The following ASAP1 variants were observed in gnomAD, a reference collection of about 807,000 sequenced individuals.
ASAP1 encodes ArfGAP with SH3 domain, ankyrin repeat and PH domain 1, also known as arf-GAP with SH3 domain, ANK repeat and PH domain-containing protein 1.
A neutral mutation model predicts 145.2 loss-of-function variants in ASAP1; 43 were observed. The observed-to-expected ratio is 0.30, with a 90% CI of 0.23 to 0.38. The LOEUF (loss-of-function observed/expected upper bound fraction) is 0.38. ASAP1 is among the 10% of genes least tolerant of loss of function. The probability of loss-of-function intolerance (pLI) is 1.00; values close to 1 mark genes in which losing one functional copy is unlikely to be tolerated. For missense variants in ASAP1, 1,018 were observed against 1,355.3 expected, an observed-to-expected ratio of 0.75 and a Z score of 3.91; for synonymous variants, 546 against 515.5, an observed-to-expected ratio of 1.06 and a Z score of -0.80.
intron 11 of ASAP1, among the ~76,000 whole-genome samples, chr8:130,161,308 G>A (rs2097668780): frequency 6.6e-6 from 1 of 152,156 alleles, no homozygotes; most frequent in African/African-American, 2.4e-5. Context: ...GCTATTTACT[G>A]ACTTGTGTAC....
chr8:130,070,822 GGAGAGAGGGA>G (rs1173253680), intron 27 of ASAP1, among the ~76,000 whole-genome samples: 20 of 58,590 alleles, frequency 3.4e-4, no homozygotes, highest in African/African-American at 7.5e-4. Flanking sequence ...GGGGAGAGAG[GGAGAGAGGGA>G]GAGAGAGGGA....
chr8:130,167,423 T>C (rs746946017), intron 11 of ASAP1, 113 bp downstream of exon 11: 7 of 871,754 alleles, frequency 8.0e-6, no homozygotes, highest in African/African-American at 3.3e-5. Context: ...GGTAGGTACA[T>C]ACTTGCATAT....
intron 3 of ASAP1, among the ~76,000 whole-genome samples, chr8:130,357,172 A>T (rs1188343343): frequency 6.6e-6 from 1 of 152,080 alleles, no homozygotes; most frequent in Non-Finnish European, 1.5e-5. Context: ...TGAAAATCCT[A>T]AAGAAAATCG....
At position 130,183,883 on chromosome 8, in the gene ASAP1, C is replaced by T. The variant is rs143804206; in HGVS notation, c.531-3003G>A. ...AGAGTCAAACGCCATCCCAGGATGG[C>T]AGCTGTACTGCTGATCTAAAGAGCT... On this transcript the variant is annotated intron_variant, in intron 7 of 29. Coordinates refer to ENST00000518721, the MANE Select transcript of ASAP1 (RefSeq NM_018482.4). Among the ~76,000 whole-genome samples the T allele has an allele frequency of 4.9e-3, 747 of 152,218 alleles. 4 individuals are homozygous for T. The highest frequency in any genetic ancestry group is 7.4e-3 in the Non-Finnish European group (501 of 67,994).
chr8:130,201,583 AT>A (rs1815872376), intron 5 of ASAP1, among the ~76,000 whole-genome samples: 1 of 152,222 alleles, frequency 6.6e-6, no homozygotes, highest in South Asian at 2.1e-4. Context: ...GCAGCATCTG[AT>A]TTCATTTGAC....
At chr8:130,246,697 AGT>A (rs1818875711) in intron 3 of ASAP1, among the ~76,000 whole-genome samples, 1 of 152,184 alleles carries the variant, frequency 6.6e-6, no homozygotes, top group Non-Finnish European at 1.5e-5. Flanking sequence ...TCTTTATACC[AGT>A]GTGAAAACAA....
At chr8:130,341,107 G>C (rs539951440) in intron 3 of ASAP1, among the ~76,000 whole-genome samples, 2 of 152,190 alleles carry the variant, frequency 1.3e-5, no homozygotes, top group East Asian at 3.9e-4. Flanking sequence ...ACTAAGTCTA[G>C]TGACAAGATG....
At chr8:130,431,603 C>T (rs536415296) in intron 1 of ASAP1, among the ~76,000 whole-genome samples, 2 of 152,282 alleles carry the variant, frequency 1.3e-5, no homozygotes, top group Non-Finnish European at 2.9e-5. Context: ...AACAAGTCTT[C>T]TCTGACCCTC....
intron 23 of ASAP1, among the ~76,000 whole-genome samples, chr8:130,113,907 G>C (rs7816581): frequency 6.6e-5 from 10 of 151,704 alleles, no homozygotes; most frequent in African/African-American, 2.4e-4. Flanking sequence ...TCTGCCTCCC[G>C]GGCAGCTGGG....
chr8:130,149,676 C>T (rs1157376783), intron 13 of ASAP1, among the ~76,000 whole-genome samples: 1 of 152,218 alleles, frequency 6.6e-6, no homozygotes, highest in East Asian at 1.9e-4. Context: ...ACAACAAAAG[C>T]TCTTCTCCCC....
intron 11 of ASAP1, among the ~76,000 whole-genome samples, chr8:130,164,604 A>C (rs1181809084): frequency 6.6e-6 from 1 of 152,140 alleles, no homozygotes; most frequent in Non-Finnish European, 1.5e-5. Flanking sequence ...CCAAAACAAA[A>C]ACCTACTTCC....
intron 5 of ASAP1, among the ~76,000 whole-genome samples, chr8:130,213,808 G>T (rs1816725555): frequency 6.6e-6 from 1 of 152,138 alleles, no homozygotes; most frequent in Non-Finnish European, 1.5e-5. Context: ...ATCCGTCCAG[G>T]TGGTGTTACC....
intron 24 of ASAP1, among the ~76,000 whole-genome samples, chr8:130,107,243 C>T (rs1008795112): frequency 7.2e-6 from 1 of 138,080 alleles, no homozygotes; most frequent in African/African-American, 2.7e-5. Context: ...AGAGAAGTGG[C>T]ACAATCTCGG....
chr8:130,194,459 G>A (rs1356791566), intron 5 of ASAP1, among the ~76,000 whole-genome samples: 1 of 152,030 alleles, frequency 6.6e-6, no homozygotes, highest in Admixed American at 6.5e-5. Context: ...TGATTATTGT[G>A]CCACGAAGAT....
At chr8:130,417,412 G>T (rs780489160) in intron 1 of ASAP1, among the ~76,000 whole-genome samples, 1 of 152,208 alleles carries the variant, frequency 6.6e-6, no homozygotes, top group Non-Finnish European at 1.5e-5. Flanking sequence ...GTGCTGGGTC[G>T]GGACATTCCA....
intron 1 of ASAP1, among the ~76,000 whole-genome samples, chr8:130,402,307 C>T (rs1488374329): frequency 2.0e-5 from 3 of 152,018 alleles, no homozygotes; most frequent in Non-Finnish European, 4.4e-5. Context: ...CTGATGGATG[C>T]GACAGACAGA....
At chr8:130,372,895 CACAT>C (rs2138301567) in intron 2 of ASAP1, among the ~76,000 whole-genome samples, 1 of 152,174 alleles carries the variant, frequency 6.6e-6, no homozygotes, top group South Asian at 2.1e-4. Context: ...GACACATGGA[CACAT>C]ACACAGACAT....
At chr8:130,390,445 G>C (rs1366851637) in intron 2 of ASAP1, among the ~76,000 whole-genome samples, 1 of 152,164 alleles carries the variant, frequency 6.6e-6, no homozygotes, top group Non-Finnish European at 1.5e-5. Flanking sequence ...ACTCAGTCAA[G>C]ATTTCCCGGA....
chr8:130,119,126 A>G (rs2097561304), intron 18 of ASAP1, among the ~76,000 whole-genome samples: 1 of 152,166 alleles, frequency 6.6e-6, no homozygotes. Context: ...AAAATTTTTA[A>G]AAGGATCGGG....
Sources: gnomAD v4.1 joint callset for allele counts (sites outside exome capture counted in the v4.1 genomes callset) on GRCh38, gnomAD v4.1.1 for gene constraint, MANE v1.5 for transcripts, NCBI Gene and HGNC (gene_info 2026-07-23, HGNC 2026-07-21) for gene names.